Variants in MAPK6 observed in about 807,000 individuals in gnomAD.
The protein encoded by MAPK6 is mitogen-activated protein kinase 6, also known as ERK-3.
A neutral mutation model predicts 59.3 loss-of-function variants in MAPK6; 19 were observed. That is an observed-to-expected ratio of 0.32 (90% CI 0.22 to 0.47). The LOEUF (loss-of-function observed/expected upper bound fraction) is 0.47, where lower values mean the gene tolerates loss of function less well. Ranked by LOEUF, MAPK6 falls within the 20% of genes least tolerant of loss-of-function variation. The pLI is 1.00. For missense variants in MAPK6, 724 were observed against 847.9 expected (o/e 0.85, Z 1.81); for synonymous variants, 316 against 290.3 (o/e 1.09, Z -0.90).
rs1595990838 is a variant in MAPK6, at chr15:52,039,111, C to G, written c.-631-6719C>G. On this transcript the variant is annotated intron_variant, in intron 1 of 5. Coordinates refer to ENST00000261845, the MANE Select transcript of MAPK6 (RefSeq NM_002748.4). Reference sequence around the variant, plus strand: ...CACTGCAACCTCCACCTCCCAGGTTCAAGCGATTCTCCTGCCTCAGCTCCT... The same window carrying G: ...CACTGCAACCTCCACCTCCCAGGTTGAAGCGATTCTCCTGCCTCAGCTCCT... 2.0e-5 allele frequency among the ~76,000 whole-genome samples: 3 copies of G among 152,338 alleles called. No individual in the cohort carries two copies. The South Asian group carries it at 6.2e-4, about 32-fold the overall frequency.
At chr15:52,012,317 G>A (rs1026853052) in intron 3 of MAPK6, among the ~76,000 whole-genome samples, 1 of 152,132 alleles carries the variant, frequency 6.6e-6, no homozygotes, top group Non-Finnish European at 1.5e-5. Context: ...TTTTGTAAAT[G>A]TGGTGTCTGT....
upstream of MAPK6, among the ~76,000 whole-genome samples, chr15:52,014,890 A>T (rs989590993): frequency 4.6e-5 from 7 of 152,158 alleles, no homozygotes; most frequent in African/African-American, 1.7e-4. Flanking sequence ...ATGCTCTCTT[A>T]TTTAGTTTTT....
chr15:52,060,379 C>G (rs942062088), intron 4 of MAPK6, among the ~76,000 whole-genome samples: 1 of 152,032 alleles, frequency 6.6e-6, no homozygotes, highest in Non-Finnish European at 1.5e-5. Flanking sequence ...GGGATTGAGA[C>G]AAATGTGAAG....
chr15:52,049,709 G>C (rs144511952), intron 2 of MAPK6, among the ~76,000 whole-genome samples: 1 of 150,948 alleles, frequency 6.6e-6, no homozygotes, highest in Non-Finnish European at 1.5e-5. Context: ...CTACCTCCCG[G>C]GTTCGAGCGA....
At chr15:51,999,555 A>C (rs2057236465) in intron 2 of MAPK6, among the ~76,000 whole-genome samples, 1 of 151,692 alleles carries the variant, frequency 6.6e-6, no homozygotes, top group Admixed American at 6.6e-5. Context: ...TTATTTGCAA[A>C]TATTTTCTCC....
At chr15:52,006,713 C>A (rs75498655) in intron 3 of MAPK6, among the ~76,000 whole-genome samples, 2 of 152,144 alleles carry the variant, frequency 1.3e-5, no homozygotes, top group East Asian at 3.9e-4. Context: ...CAATCAAGTT[C>A]TTCAAGCAGC....
chr15:52,000,223 GC>G (rs1455574454), intron 2 of MAPK6, among the ~76,000 whole-genome samples: 28 of 152,170 alleles, frequency 1.8e-4, no homozygotes, highest in African/African-American at 6.0e-4. Flanking sequence ...ACAGGCGTGA[GC>G]CACTGTACCT....
At chr15:52,009,092 T>C (rs1402278767) in intron 3 of MAPK6, among the ~76,000 whole-genome samples, 1 of 152,144 alleles carries the variant, frequency 6.6e-6, no homozygotes, top group African/African-American at 2.4e-5. Flanking sequence ...GAGGAAGTGA[T>C]TACCTTCTTC....
chr15:52,021,289 A>G lies in MAPK6; in HGVS notation c.-632+1913A>G, dbSNP rs368018658. On this transcript the variant is annotated intron_variant, in intron 1 of 5. Coordinates refer to ENST00000261845, the MANE Select transcript of MAPK6 (RefSeq NM_002748.4). Reference sequence around the variant, plus strand: ...CTGAAGGGGATGGGGGTCGGGTAGGAGGAAGCTTACAAGTGCTGCTGCAAG... The same window carrying G: ...CTGAAGGGGATGGGGGTCGGGTAGGGGGAAGCTTACAAGTGCTGCTGCAAG... Among the ~76,000 whole-genome samples the G allele has an allele frequency of 4.0e-5, 6 of 151,160 alleles. No homozygotes were observed. In the South Asian group the frequency reaches 6.3e-4, roughly 16 times the overall value.
intron 1 of MAPK6, among the ~76,000 whole-genome samples, chr15:52,039,509 CTTTTTTT>C (rs11341546): frequency 1.3e-4 from 11 of 85,834 alleles, no homozygotes; most frequent in South Asian, 3.9e-4. Flanking sequence ...AGTGTTTTGT[CTTTTTTT>C]TTTTTTTTTT....
At position 52,061,511 on chromosome 15, in the gene MAPK6, C is replaced by G. The variant is rs1421768511; in HGVS notation, c.1067+11C>G. The G allele has an allele frequency of 6.3e-7, 1 of 1,589,722 alleles. No individual in the cohort carries two copies. Among genetic ancestry groups the G allele is most frequent in the Non-Finnish European group, 8.6e-7 (1 of 1,159,192 alleles). ...TTATAACTGGGAAAGGTAAATTGATCCTAAATTAGAAAAATAATATTTACT... is the reference window on the plus strand; with the variant it reads ...TTATAACTGGGAAAGGTAAATTGATGCTAAATTAGAAAAATAATATTTACT... On this transcript the variant is annotated intron_variant, in intron 5 of 5. Coordinates refer to ENST00000261845, the MANE Select transcript of MAPK6 (RefSeq NM_002748.4).
At chr15:52,019,902 A>G (rs1264893794) in intron 1 of MAPK6, 1 of 152,892 alleles carries the variant, frequency 6.5e-6, no homozygotes, top group Admixed American at 6.5e-5. Flanking sequence ...CTCCTCCCCC[A>G]TCCCACCCGG....
chr15:51,998,568 C>G (rs904227383), intron 2 of MAPK6, among the ~76,000 whole-genome samples: 42 of 145,456 alleles, frequency 2.9e-4, no homozygotes, highest in African/African-American at 1.1e-3. Flanking sequence ...ATTGCCCAGG[C>G]TGGAATGTAG....
At chr15:52,034,354 C>A (rs2031162244) in intron 1 of MAPK6, among the ~76,000 whole-genome samples, 1 of 151,504 alleles carries the variant, frequency 6.6e-6, no homozygotes, top group African/African-American at 2.4e-5. Flanking sequence ...CGCTCTGTTA[C>A]CCATACTGGA....
At chr15:52,005,536 AAAAG>A (rs1479239675) in intron 3 of MAPK6, among the ~76,000 whole-genome samples, 5 of 152,054 alleles carry the variant, frequency 3.3e-5, no homozygotes, top group Non-Finnish European at 7.4e-5. Flanking sequence ...TCAAAAAAAA[AAAAG>A]AGAGAGAGAG....
rs186177196 is a variant in MAPK6 at position 51,988,964 on chromosome 15, T to C, written c.-770+5649T>C. Among the ~76,000 whole-genome samples the C allele has an allele frequency of 2.4e-3, 367 of 152,238 alleles. 1 individual carries two copies. The highest frequency in any genetic ancestry group is 3.9e-3 in the Admixed American group (59 of 15,278). ...TCGAATCCCTGCATCTGTGGTCACA[T>C]TGCCTTCTCCTTGTCTATCAAATTT... On this transcript the variant is annotated intron_variant, in intron 2 of 7. Transcript: ENST00000691380.
intron 3 of MAPK6, among the ~76,000 whole-genome samples, chr15:52,010,079 T>C (rs1047656744): frequency 6.6e-6 from 1 of 151,988 alleles, no homozygotes; most frequent in Non-Finnish European, 1.5e-5. Flanking sequence ...CCTTAAGTAA[T>C]TTCTTACAGC....
chr15:52,022,184 T>C (rs1278262147), intron 1 of MAPK6, among the ~76,000 whole-genome samples: 1 of 152,138 alleles, frequency 6.6e-6, no homozygotes, highest in Admixed American at 6.6e-5. Flanking sequence ...GAAAAAAAAT[T>C]TCCCACCCCA....
In MAPK6 at chr15:52,064,972, A is replaced by G; in HGVS notation, c.2138A>G (p.Tyr713Cys). 1.2e-6 allele frequency: 2 copies of G among 1,609,778 alleles called. No individual in the cohort carries two copies. The highest frequency in any genetic ancestry group is 1.7e-6 in the Non-Finnish European group (2 of 1,178,068). The change falls in exon 6 of 6, where the codon TAC (tyrosine) becomes TGC (cysteine). Residue 713 changes from tyrosine to cysteine, a missense_variant. This residue lies in a region of MAPK6 where 502 missense variants were observed against 507.6 expected (regional missense o/e 0.99). Coordinates refer to ENST00000261845, the MANE Select transcript of MAPK6 (RefSeq NM_002748.4). The stretch of plus-strand genomic sequence containing the variant: ...TCCCCTCAAATTCCTCATCAAACAT[A>G]CAGCAGCATTCTGAAACATCTGAAC... ...KSSPQIPHQT[Y>C]SSILKHLN is the part of the protein sequence containing the mutation.
Sources: gnomAD v4.1 joint callset for allele counts (sites outside exome capture counted in the v4.1 genomes callset) on GRCh38, gnomAD v4.1.1 for gene constraint, gnomAD v4.1.1 regional missense constraint, MANE v1.5 for transcripts, NCBI Gene and HGNC (gene_info 2026-07-23, HGNC 2026-07-21) for gene names.